OVOL2: variants seen among roughly 807,000 people sequenced by gnomAD.
The protein encoded by OVOL2 is ovo like zinc finger 2.
OVOL2 carries 13 observed loss-of-function variants against 18.1 expected under a neutral mutation model. That is an observed-to-expected ratio of 0.72 (90% CI 0.47 to 1.14). OVOL2 has a LOEUF of 1.14. OVOL2 is among the 50% of genes most tolerant of loss of function. The pLI, the probability that OVOL2 is intolerant of heterozygous loss-of-function variation, is 0.00. For synonymous variants in OVOL2, 166 were observed against 162.7 expected, an observed-to-expected ratio of 1.02 and a Z score of -0.16; for missense variants, 335 against 383.0, an observed-to-expected ratio of 0.87 and a Z score of 1.05.
intron 3 of OVOL2, among the ~76,000 whole-genome samples, chr20:18,031,232 C>T (rs566929968): frequency 3.4e-4 from 51 of 152,220 alleles, no homozygotes; most frequent in Non-Finnish European, 6.6e-4. Flanking sequence ...TGCTCCAGCC[C>T]GAAAGGCCGT....
intron 3 of OVOL2, among the ~76,000 whole-genome samples, chr20:18,034,649 TCTCACACA>T (rs1490925428): frequency 5.5e-5 from 8 of 144,972 alleles, no homozygotes; most frequent in African/African-American, 2.0e-4. Context: ...TCTCTCTCTC[TCTCACACA>T]CACACACACA....
chr20:18,053,885 T>C (rs2036793257), intron 2 of OVOL2, among the ~76,000 whole-genome samples: 3 of 152,066 alleles, frequency 2.0e-5, no homozygotes, highest in Non-Finnish European at 4.4e-5. Context: ...CAAGCCCTGT[T>C]TCCTATCTTC....
chr20:18,040,932 G>A (rs2149473), intron 3 of OVOL2, among the ~76,000 whole-genome samples: 43,916 of 152,114 alleles, frequency 0.29, 7,396 homozygotes, highest in African/African-American at 0.48. Context: ...AAGGGGCTGA[G>A]CTGTGGCAGG....
At chr20:18,037,237 GAGA>G (rs1486797149) in intron 3 of OVOL2, among the ~76,000 whole-genome samples, 2 of 152,158 alleles carry the variant, frequency 1.3e-5, no homozygotes, top group African/African-American at 2.4e-5. Context: ...AAAGAGGGCA[GAGA>G]AGGAGACCCT....
intron 3 of OVOL2, among the ~76,000 whole-genome samples, chr20:18,039,696 A>G (rs992811773): frequency 6.6e-6 from 1 of 151,896 alleles, no homozygotes; most frequent in African/African-American, 2.4e-5. Context: ...GATTCCAGCC[A>G]CTCTCTAAGG....
chr20:18,054,189 A>G (rs1193632093), intron 2 of OVOL2, among the ~76,000 whole-genome samples: 1 of 152,260 alleles, frequency 6.6e-6, no homozygotes, highest in African/African-American at 2.4e-5. Context: ...AGGTATCATT[A>G]TCATCTTACA....
intron 3 of OVOL2, among the ~76,000 whole-genome samples, chr20:18,032,315 GAGAGAA>G (rs2036578155): frequency 3.5e-5 from 5 of 143,882 alleles, no homozygotes; most frequent in African/African-American, 1.3e-4. Flanking sequence ...AGGAGAGAGA[GAGAGAA>G]AGAAAGAGAG....
At chr20:18,039,502 T>C (rs958779373) in intron 3 of OVOL2, among the ~76,000 whole-genome samples, 1 of 150,610 alleles carries the variant, frequency 6.6e-6, no homozygotes, top group African/African-American at 2.4e-5. Flanking sequence ...AGTGGTGGCA[T>C]GCACCTATAG....
chr20:18,033,497 C>A (rs1042878112), intron 3 of OVOL2, among the ~76,000 whole-genome samples: 1 of 152,250 alleles, frequency 6.6e-6, no homozygotes. Flanking sequence ...GCCCTTCTCA[C>A]CTGTTTATGG....
intron 2 of OVOL2, among the ~76,000 whole-genome samples, chr20:18,043,609 A>C (rs1018232580): frequency 2.1e-4 from 32 of 152,212 alleles, no homozygotes; most frequent in Non-Finnish European, 4.6e-4. Flanking sequence ...ACTGCCTAGC[A>C]GAGCCATGCC....
intron 3 of OVOL2, among the ~76,000 whole-genome samples, chr20:18,026,675 C>T (rs965260478): frequency 1.3e-5 from 2 of 152,160 alleles, no homozygotes; most frequent in Non-Finnish European, 1.5e-5. Flanking sequence ...GCCACCGCGC[C>T]GGGCCCAGGA....
At chr20:18,054,660 T>C (rs2036800426) in intron 2 of OVOL2, among the ~76,000 whole-genome samples, 1 of 150,904 alleles carries the variant, frequency 6.6e-6, no homozygotes, top group Non-Finnish European at 1.5e-5. Context: ...GAGAATCACT[T>C]GAACCCGGGA....
At chr20:18,046,156 T>G (rs1159692754) in intron 2 of OVOL2, among the ~76,000 whole-genome samples, 1 of 152,236 alleles carries the variant, frequency 6.6e-6, no homozygotes, top group Non-Finnish European at 1.5e-5. Flanking sequence ...AAAGCTAGCT[T>G]CTGCCAGACT....
At chr20:18,055,357 T>C (rs997838441) in intron 2 of OVOL2, among the ~76,000 whole-genome samples, 4 of 152,156 alleles carry the variant, frequency 2.6e-5, no homozygotes, top group African/African-American at 4.8e-5. Flanking sequence ...TGGGGCACTT[T>C]GTAGAATCTC....
intron 3 of OVOL2, among the ~76,000 whole-genome samples, chr20:18,034,647 TCTCTCACACACA>T (rs2036599264): frequency 6.6e-6 from 1 of 150,870 alleles, no homozygotes; most frequent in Non-Finnish European, 1.5e-5. Flanking sequence ...TCTCTCTCTC[TCTCTCACACACA>T]CACACACACA....
At chr20:18,036,727 C>G (rs958186838) in intron 3 of OVOL2, among the ~76,000 whole-genome samples, 2 of 152,036 alleles carry the variant, frequency 1.3e-5, no homozygotes, top group African/African-American at 4.8e-5. Flanking sequence ...TGAACTCACA[C>G]GCTCACAGGC....
At chr20:18,026,571 C>T (rs575161467) in intron 3 of OVOL2, among the ~76,000 whole-genome samples, 6 of 152,190 alleles carry the variant, frequency 3.9e-5, no homozygotes, top group East Asian at 1.9e-4. Flanking sequence ...TTAGTAGAGA[C>T]GGGGTTTCAC....
upstream of OVOL2, among the ~76,000 whole-genome samples, chr20:18,058,369 G>A (rs2122734871): frequency 1.3e-5 from 2 of 151,734 alleles, no homozygotes; most frequent in South Asian, 4.2e-4. Context: ...TGGGGGGTGG[G>A]GGCTTAGGGG....
At chr20:18,058,104 C>G (rs899704930), upstream of OVOL2, among the ~76,000 whole-genome samples, 3 of 152,200 alleles carry the variant, frequency 2.0e-5, no homozygotes, top group African/African-American at 7.2e-5. Context: ...AACCCCCGCC[C>G]CATTCCCCCA....
Sources: allele counts gnomAD v4.1 joint callset (sites outside exome capture counted in the v4.1 genomes callset), GRCh38; gene constraint gnomAD v4.1.1; transcripts MANE v1.5; gene names NCBI Gene and HGNC (gene_info 2026-07-23, HGNC 2026-07-21).